WDR25: variants seen among roughly 807,000 people sequenced by gnomAD.
WDR25 encodes WD repeat domain 25.
Under a neutral mutation model 47.7 loss-of-function variants are expected in WDR25, and 35 were observed. The ratio of observed to expected loss-of-function variants is 0.73; its 90% CI spans 0.56 to 0.97. The LOEUF (loss-of-function observed/expected upper bound fraction) is 0.97. Among genes scored for constraint, WDR25 ranks in the 50% least tolerant of loss-of-function variants. WDR25 has a pLI of 0.00. For missense variants in WDR25, 634 were observed against 704.7 expected, an observed-to-expected ratio of 0.90 and a Z score of 1.14; for synonymous variants, 248 against 278.9, an observed-to-expected ratio of 0.89 and a Z score of 1.10.
intron 2 of WDR25, among the ~76,000 whole-genome samples, chr14:100,443,977 A>G (rs932880785): frequency 5.3e-5 from 8 of 152,114 alleles, no homozygotes; most frequent in African/African-American, 1.7e-4. Flanking sequence ...AGGCTCAGAG[A>G]GGTGAACCAA....
chr14:100,471,374 C>G (rs1290630099), intron 3 of WDR25, among the ~76,000 whole-genome samples: 2 of 152,218 alleles, frequency 1.3e-5, no homozygotes, highest in Admixed American at 6.5e-5. Flanking sequence ...GGGCCTCCAC[C>G]TATGTCTCCC....
chr14:100,379,745 T>A (rs922830227), intron 1 of WDR25, among the ~76,000 whole-genome samples: 9 of 151,484 alleles, frequency 5.9e-5, no homozygotes, highest in East Asian at 1.9e-4. Context: ...TTTTTTTTTT[T>A]AATTTTACTT....
Position 100,464,425 on chromosome 14 carries a change from C to CT in WDR25, c.823-3595dup, listed in dbSNP as rs547724083. Among the ~76,000 whole-genome samples, 49 of 152,264 alleles carry CT rather than the reference C, an allele frequency of 3.2e-4. No homozygotes were observed. In the East Asian group the frequency reaches 6.4e-3, roughly 20 times the overall value. On this transcript the variant is annotated intron_variant, in intron 2 of 6. Transcript: ENST00000402312. ...GGATTTTTATTTGTTCAGTGTCTGT[C>CT]TCCCTCACTAGAATATAAACTCTTT...
At chr14:100,429,319 A>G (rs1008147061) in intron 2 of WDR25, among the ~76,000 whole-genome samples, 9 of 152,190 alleles carry the variant, frequency 5.9e-5, no homozygotes, top group South Asian at 2.1e-4. Context: ...TCCCATCCCT[A>G]TGAGGCTAAC....
chr14:100,459,071 A>T (rs1337789257), intron 2 of WDR25, among the ~76,000 whole-genome samples: 1 of 152,216 alleles, frequency 6.6e-6, no homozygotes, highest in Non-Finnish European at 1.5e-5. Flanking sequence ...AAAATAGTAG[A>T]GGAAAATCAG....
rs563610971 is a variant in WDR25, at chr14:100,425,313, C to T, written c.823-42708C>T. 8.6e-4 allele frequency among the ~76,000 whole-genome samples: 131 copies of T among 152,332 alleles called. 1 individual carries two copies. The highest frequency in any genetic ancestry group is 2.8e-3 in the African/African-American group (116 of 41,574). ...AAGCTGTAACGGGGCAGGGCTGTCACTTGCACTGACTCATTCCAGTGCCCA... is the reference window on the plus strand; with the variant it reads ...AAGCTGTAACGGGGCAGGGCTGTCATTTGCACTGACTCATTCCAGTGCCCA... On this transcript the variant is annotated intron_variant, in intron 2 of 6. Transcript: ENST00000402312. This position sits in a 1 kb window ranked among gnomAD's most constrained non-coding sequence, Gnocchi z 4.8.
chr14:100,437,633 CATTATT>C (rs1012855196), intron 2 of WDR25, among the ~76,000 whole-genome samples: 2 of 152,000 alleles, frequency 1.3e-5, no homozygotes, highest in Admixed American at 6.6e-5. Flanking sequence ...CATTGGTTGC[CATTATT>C]ATTATTAGTA....
intron 4 of WDR25, chr14:100,487,536 G>C (rs1900425050): frequency 6.6e-6 from 1 of 152,212 alleles, no homozygotes. Flanking sequence ...GCTGACCTTG[G>C]TAAAGAGAGA....
intron 4 of WDR25, among the ~76,000 whole-genome samples, chr14:100,524,541 C>CT (rs201278733): frequency 7.9e-5 from 12 of 151,522 alleles, no homozygotes; most frequent in East Asian, 3.9e-4. Context: ...ATTCAGAAGG[C>CT]TTTTTTTTTC....
At chr14:100,380,859 T>C in intron 1 of WDR25, 51 bp from the exon 2 acceptor site, 2 of 1,494,040 alleles carry the variant, frequency 1.3e-6, no homozygotes, top group African/African-American at 1.4e-5. Context: ...TATAACTACA[T>C]ACATATTCTT....
At position 100,529,446 on chromosome 14, in the gene WDR25, T is replaced by A. The variant is rs2030367773; in HGVS notation, c.1413+238T>A. On this transcript the variant is annotated intron_variant, in intron 6 of 6. Coordinates refer to ENST00000402312, the MANE Select transcript of WDR25 (RefSeq NM_001161476.3). This position sits in a 1 kb window ranked among gnomAD's most constrained non-coding sequence, Gnocchi z 5.1. ...GCAGTAGTTGGCTCACACAGACAGGTCTCAGAAGTGGGGGGCAGGAACAGG... is the reference window on the plus strand; with the variant it reads ...GCAGTAGTTGGCTCACACAGACAGGACTCAGAAGTGGGGGGCAGGAACAGG... 1.6e-6 allele frequency: 1 copy of A among 636,836 alleles called. No homozygotes were observed. Among genetic ancestry groups the A allele is most frequent in the Non-Finnish European group, 2.7e-6 (1 of 371,746 alleles). The allele number at this position is 636,836 out of a possible 1,614,324, so 39.4% of individuals were successfully genotyped here. A position where few individuals can be genotyped will look rare whatever the true frequency, so the allele number is the denominator to read the frequency against.
intron 2 of WDR25, 84 bp downstream of exon 2, chr14:100,381,830 G>C (rs986753539): frequency 2.5e-6 from 3 of 1,191,128 alleles, no homozygotes; most frequent in Admixed American, 5.3e-5. Context: ...GGAGGTTACA[G>C]GCTGAACTTT....
rs2140297578 is a variant in WDR25, at chr14:100,468,696, A to G, written c.970+528A>G. On this transcript the variant is annotated intron_variant, in intron 3 of 6. Coordinates refer to ENST00000402312, the MANE Select transcript of WDR25 (RefSeq NM_001161476.3). This position sits in a 1 kb window ranked among gnomAD's most constrained non-coding sequence, Gnocchi z 4.5. Reference sequence around the variant, plus strand: ...TTGACAAGCAGGGCGAGAAGGAGAGAGAAGTCAGTGGAAGGAACTTTCCTT... The same window carrying G: ...TTGACAAGCAGGGCGAGAAGGAGAGGGAAGTCAGTGGAAGGAACTTTCCTT... Among the ~76,000 whole-genome samples, 2 of 152,160 alleles carry G rather than the reference A, an allele frequency of 1.3e-5. No homozygotes were observed. The highest frequency in any genetic ancestry group is 4.2e-4 in the South Asian group (2 of 4,814).
At chr14:100,475,676 T>G (rs1899993623) in intron 3 of WDR25, among the ~76,000 whole-genome samples, 1 of 152,088 alleles carries the variant, frequency 6.6e-6, no homozygotes, top group Non-Finnish European at 1.5e-5. Context: ...GGTATAAAGT[T>G]TCAGTTAGAA....
Position 100,488,979 on chromosome 14 carries a change from G to A in WDR25, c.1101+4855G>A, listed in dbSNP as rs144804747. Among the ~76,000 whole-genome samples, 1 of 152,164 alleles carries A rather than the reference G, an allele frequency of 6.6e-6. No homozygotes were observed. The highest frequency in any genetic ancestry group is 1.5e-5 in the Non-Finnish European group (1 of 68,034). On this transcript the variant is annotated intron_variant, in intron 4 of 6. Transcript: ENST00000402312. This position sits in a 1 kb window ranked among gnomAD's most constrained non-coding sequence, Gnocchi z 4.2. Reference sequence around the variant, plus strand: ...CTGGAGTGAGCTGATGGGGTCAGCCGCCACTGTCATTGTGATAGAGGCCTG... The same window carrying A: ...CTGGAGTGAGCTGATGGGGTCAGCCACCACTGTCATTGTGATAGAGGCCTG...
intron 2 of WDR25, among the ~76,000 whole-genome samples, chr14:100,395,829 CA>C (rs1283871363): frequency 1.3e-5 from 2 of 152,232 alleles, no homozygotes; most frequent in Admixed American, 6.5e-5. Context: ...TGCACTCCCC[CA>C]CCCACCCCTC....
chr14:100,515,365 C>T (rs1901456576), intron 4 of WDR25, among the ~76,000 whole-genome samples: 1 of 151,708 alleles, frequency 6.6e-6, no homozygotes, highest in Non-Finnish European at 1.5e-5. Context: ...CCCTGTCTCA[C>T]TTACATTCAT....
chr14:100,439,251 T>C (rs1018760484), intron 2 of WDR25, among the ~76,000 whole-genome samples: 1 of 152,240 alleles, frequency 6.6e-6, no homozygotes, highest in Non-Finnish European at 1.5e-5. Flanking sequence ...TGAAGGACCC[T>C]GCCCTTTGGC....
chr14:100,455,067 C>T (rs1322006788), intron 2 of WDR25: 1 of 152,172 alleles, frequency 6.6e-6, no homozygotes, highest in Non-Finnish European at 1.5e-5. Context: ...GAAAGGCCAT[C>T]AAAGGAGCTT....
Sources: gnomAD v4.1 joint callset for allele counts (sites outside exome capture counted in the v4.1 genomes callset) on GRCh38, gnomAD v4.1.1 for gene constraint, Gnocchi (gnomAD v3.1) non-coding constraint, MANE v1.5 for transcripts, NCBI Gene and HGNC (gene_info 2026-07-23, HGNC 2026-07-21) for gene names.